Variants in MB observed in about 807,000 individuals in gnomAD.
MB encodes myoglobin.
In MB, 10 loss-of-function variants were observed where a neutral mutation model predicts 14.5. The ratio of observed to expected loss-of-function variants is 0.69; its 90% CI spans 0.43 to 1.17. MB has a LOEUF of 1.17. Ranked by LOEUF, MB falls within the 50% of genes most tolerant of loss-of-function variation. The pLI, the probability that MB is intolerant of heterozygous loss-of-function variation, is 0.00. For missense variants in MB, 169 were observed against 192.7 expected (o/e 0.88, Z 0.73); for synonymous variants, 89 against 78.6 (o/e 1.13, Z -0.70).
At chr22:35,607,723 C>T (rs955652217) in intron 2 of MB, among the ~76,000 whole-genome samples, 5 of 152,106 alleles carry the variant, frequency 3.3e-5, no homozygotes, top group African/African-American at 9.7e-5. Flanking sequence ...GGGCCGGCTC[C>T]GGAGCCCACG....
intron 1 of MB, among the ~76,000 whole-genome samples, chr22:35,612,827 T>G (rs1303074184): frequency 6.6e-6 from 1 of 152,184 alleles, no homozygotes; most frequent in Non-Finnish European, 1.5e-5. Context: ...CACGTGTACA[T>G]GCATGCAGGC....
At position 35,607,377 on chromosome 22, in the gene MB, G is replaced by A; in HGVS notation, c.385C>T (p.Gln129Ter). 1 of 1,614,136 alleles carries A rather than the reference G, an allele frequency of 6.2e-7. No homozygotes were observed. The highest frequency in any genetic ancestry group is 8.5e-7 in the Non-Finnish European group (1 of 1,179,970). Residue 129 changes from glutamine to a stop codon, truncating the protein, a stop_gained, in exon 3 of 3, where the codon CAG becomes TAG. Coordinates refer to ENST00000397326, the MANE Select transcript of MB (RefSeq NM_005368.3). LOFTEE classifies it high-confidence loss of function. ...KHPGDFGADAQGAMNKALELF... is the reference protein window; with the variant it reads ...KHPGDFGADA ...TCCAGGGCCTTGTTCATGGCCCCCT[G>A]GGCATCAGCACCAAAGTCCCCGGGA...
upstream of MB, among the ~76,000 whole-genome samples, chr22:35,621,799 T>C (rs979139947): frequency 6.6e-6 from 1 of 152,156 alleles, no homozygotes; most frequent in Non-Finnish European, 1.5e-5. Context: ...TTGTCCAGAC[T>C]GAACATCCCA....
upstream of MB, among the ~76,000 whole-genome samples, chr22:35,619,756 TG>T (rs1201750494): frequency 6.6e-6 from 1 of 152,232 alleles, no homozygotes; most frequent in Non-Finnish European, 1.5e-5. Flanking sequence ...AGTGCAACTT[TG>T]GGTCAGAACG....
At chr22:35,615,899 AAACTC>A (rs1262944944) in intron 1 of MB, among the ~76,000 whole-genome samples, 1 of 152,174 alleles carries the variant, frequency 6.6e-6, no homozygotes, top group Non-Finnish European at 1.5e-5. Context: ...AGTCAACAGA[AAACTC>A]AACTCTTCTT....
At chr22:35,618,852 C>T (rs117254680), upstream of MB, among the ~76,000 whole-genome samples, 3,961 of 151,502 alleles carry the variant, frequency 0.026, 78 homozygotes, top group Non-Finnish European at 0.039. Context: ...TTCATTATCC[C>T]TCCATTCATC....
chr22:35,614,335 C>A (rs1012694581), intron 1 of MB, among the ~76,000 whole-genome samples: 1 of 152,126 alleles, frequency 6.6e-6, no homozygotes, highest in African/African-American at 2.4e-5. Flanking sequence ...GGCTTGTAAT[C>A]CCAGCACTTT....
chr22:35,617,865 C>G (rs974867608), upstream of MB, among the ~76,000 whole-genome samples: 18 of 152,210 alleles, frequency 1.2e-4, no homozygotes, highest in Non-Finnish European at 2.4e-4. Context: ...AGTCCACAAT[C>G]TCTTAGAGAA....
intron 1 of MB, among the ~76,000 whole-genome samples, chr22:35,612,426 T>C (rs1312219884): frequency 6.6e-6 from 1 of 152,194 alleles, no homozygotes; most frequent in Non-Finnish European, 1.5e-5. Flanking sequence ...TTTTTTGAGA[T>C]GGAATCTGGC....
At chr22:35,616,039 G>A (rs367937990) in intron 1 of MB, among the ~76,000 whole-genome samples, 1 of 152,294 alleles carries the variant, frequency 6.6e-6, no homozygotes. Flanking sequence ...AGACCCAAAG[G>A]ACGACGGAGT....
At chr22:35,616,964 T>C (rs1923120555) in intron 1 of MB, 199 bp downstream of exon 1, 2 of 561,162 alleles carry the variant, frequency 3.6e-6, no homozygotes, top group South Asian at 2.3e-5. Flanking sequence ...GCTGCTGACA[T>C]CAGCCTGAAA....
chr22:35,614,042 T>C (rs144439873), intron 1 of MB, among the ~76,000 whole-genome samples: 2 of 152,226 alleles, frequency 1.3e-5, no homozygotes, highest in African/African-American at 2.4e-5. Flanking sequence ...CCCGCTGGCC[T>C]GTGTTTCCAG....
chr22:35,617,245 C>T lies in MB; in HGVS notation c.13G>A (p.Asp5Asn), dbSNP rs752713728. The change falls in exon 1 of 3, where the codon GAC (aspartate) becomes AAC (asparagine). Residue 5 changes from aspartate to asparagine, a missense_variant. Physicochemically the swap from Asp to Asn is conservative, Grantham distance 23. Coordinates refer to ENST00000397326, the MANE Select transcript of MB (RefSeq NM_005368.3). MGLS[D>N]GEWQLVLNVW... ...TTCAGCACCAACTGCCATTCCCCGTCGCTGAGCCCCATGGCGCAGTCTGAA... is the reference window on the plus strand; with the variant it reads ...TTCAGCACCAACTGCCATTCCCCGTTGCTGAGCCCCATGGCGCAGTCTGAA... 6.2e-6 allele frequency: 10 copies of T among 1,613,954 alleles called. No homozygotes were observed. The highest frequency in any genetic ancestry group is 1.7e-5 in the Admixed American group (1 of 60,006).
At position 35,611,057 on chromosome 22, in the gene MB, G is replaced by T. The variant is rs1440691130; in HGVS notation, c.145C>A (p.His49Asn). 6.2e-7 allele frequency: 1 copy of T among 1,614,122 alleles called. No homozygotes were observed. The highest frequency in any genetic ancestry group is 8.5e-7 in the Non-Finnish European group (1 of 1,180,018). Residue 49 changes from histidine to asparagine, a missense_variant, in exon 2 of 3, where the codon CAC (histidine) becomes AAC (asparagine). His to Asn is a moderately conservative substitution (Grantham distance 68). Coordinates refer to ENST00000397326, the MANE Select transcript of MB (RefSeq NM_005368.3). ...TTCATCTCGTCCTCTGACTTCAGGT[G>T]CTTGAACTTGTCAAACTTCTCCAGA... is the stretch of plus-strand genomic sequence containing the variant. ...ETLEKFDKFKHLKSEDEMKAS... is the reference protein window; with the variant it reads ...ETLEKFDKFKNLKSEDEMKAS...
In MB at chr22:35,607,146, A is replaced by G; in HGVS notation, c.*151T>C. 2 of 883,470 alleles carry G rather than the reference A, an allele frequency of 2.3e-6. No homozygotes were observed. Among genetic ancestry groups the G allele is most frequent in the Non-Finnish European group, 3.3e-6 (2 of 600,630 alleles). The allele number at this position is 883,470 out of a possible 1,614,324, so 54.7% of individuals were successfully genotyped here. A position where few individuals can be genotyped will look rare whatever the true frequency, so the allele number is the denominator to read the frequency against. On this transcript the variant is annotated 3_prime_UTR_variant, in exon 3 of 3. Transcript: ENST00000397326. ...CGCTGGGCATGCAAAGCCAACTTCAACACCCCAGCCCCAGCCCCTCAGCTC... is the reference window on the plus strand; with the variant it reads ...CGCTGGGCATGCAAAGCCAACTTCAGCACCCCAGCCCCAGCCCCTCAGCTC...
exon 1 of MB, chr22:35,623,280 T>G (rs57794775): frequency 6.6e-6 from 1 of 152,372 alleles, no homozygotes; most frequent in African/African-American, 2.4e-5. Context: ...TAAGAACTGG[T>G]CTAATTTGGA....
chr22:35,616,488 G>T (rs776079577), intron 1 of MB, among the ~76,000 whole-genome samples: 1 of 152,128 alleles, frequency 6.6e-6, no homozygotes, highest in East Asian at 1.9e-4. Context: ...GCTTTGAAAG[G>T]TCCCTAGCCT....
chr22:35,607,286 G>T lies in MB; in HGVS notation c.*11C>A, dbSNP rs1160991474. On this transcript the variant is annotated 3_prime_UTR_variant, in exon 3 of 3. Coordinates refer to ENST00000397326, the MANE Select transcript of MB (RefSeq NM_005368.3). ...GGGGCCCAGATGGGTGGGGGTGGGA[G>T]CGGCAGGGGCCTAGCCCTGGAAGCC... is the stretch of plus-strand genomic sequence containing the variant. 8.1e-6 allele frequency: 13 copies of T among 1,607,372 alleles called. No individual in the cohort carries two copies. The highest frequency in any genetic ancestry group is 9.4e-6 in the Non-Finnish European group (11 of 1,175,128).
chr22:35,617,361 C>T (rs113647088), upstream of MB: 1 of 776,320 alleles, frequency 1.3e-6, no homozygotes, highest in East Asian at 2.6e-5. Flanking sequence ...CGTTTTTATA[C>T]CTTCTGGGAT....
Sources: gnomAD v4.1 joint callset for allele counts (sites outside exome capture counted in the v4.1 genomes callset) on GRCh38, gnomAD v4.1.1 for gene constraint, MANE v1.5 for transcripts, NCBI Gene and HGNC (gene_info 2026-07-23, HGNC 2026-07-21) for gene names.